ZNF69: variants seen among roughly 807,000 people sequenced by gnomAD.
ZNF69 encodes the protein ZNF3.
A neutral mutation model predicts 50.9 loss-of-function variants in ZNF69; 47 were observed. That is an observed-to-expected ratio of 0.92 (90% CI 0.73 to 1.18). ZNF69 has a LOEUF of 1.18. Ranked by LOEUF, ZNF69 falls within the 50% of genes most tolerant of loss-of-function variation. The probability of loss-of-function intolerance (pLI) is 0.00; values close to 1 mark genes in which losing one functional copy is unlikely to be tolerated. For missense variants in ZNF69, 717 were observed against 675.1 expected, an observed-to-expected ratio of 1.06 and a Z score of -0.69; for synonymous variants, 216 against 223.1, an observed-to-expected ratio of 0.97 and a Z score of 0.29.
downstream of ZNF69, among the ~76,000 whole-genome samples, chr19:11,907,104 G>A (rs1353910036): frequency 6.6e-6 from 1 of 152,152 alleles, no homozygotes; most frequent in Non-Finnish European, 1.5e-5. Context: ...TGGATGAAAT[G>A]AAGTGAGAAG....
At chr19:11,948,338 C>G in the ZNF69 span, 1 of 1,613,852 alleles carries the variant, frequency 6.2e-7, no homozygotes, top group South Asian at 1.1e-5. Flanking sequence ...GAAACTTTTA[C>G]CCAGGTTCCA....
Position 11,905,782 on chromosome 19 carries a change from A to G in ZNF69, c.1385A>G (p.His462Arg). The G allele has an allele frequency of 6.2e-7, 1 of 1,613,606 alleles. No homozygotes were observed. The highest frequency in any genetic ancestry group is 8.5e-7 in the Non-Finnish European group (1 of 1,179,952). Residue 462 changes from histidine to arginine, a missense_variant, in exon 4 of 4, where the codon CAT becomes CGT. Coordinates refer to ENST00000429654, the MANE Select transcript of ZNF69 (RefSeq NM_001364730.1). ...AFRSMKNLQSHERTQTHVRIH... is the reference protein window; with the variant it reads ...AFRSMKNLQSRERTQTHVRIH... ...AGATCTATGAAGAACCTTCAAAGTC[A>G]TGAAAGGACACAAACACACGTAAGA...
the ZNF69 span, among the ~76,000 whole-genome samples, chr19:11,924,915 C>T: frequency 6.6e-6 from 1 of 152,196 alleles, no homozygotes; most frequent in Non-Finnish European, 1.5e-5. Context: ...TATCCAATAA[C>T]CAGAGTGCAG....
chr19:11,949,609 ACT>A, the ZNF69 span: 1 of 1,613,238 alleles, frequency 6.2e-7, no homozygotes, highest in Non-Finnish European at 8.5e-7. Flanking sequence ...ACATGAAAAA[ACT>A]CACACTGGAG....
the ZNF69 span, among the ~76,000 whole-genome samples, chr19:11,964,298 C>G: frequency 6.6e-6 from 1 of 152,200 alleles, no homozygotes; most frequent in African/African-American, 2.4e-5. Context: ...GGTGTTGTAC[C>G]TCTGGAGCCT....
chr19:11,926,967 G>C, the ZNF69 span, among the ~76,000 whole-genome samples: 5 of 152,260 alleles, frequency 3.3e-5, no homozygotes, highest in African/African-American at 1.2e-4. Flanking sequence ...ACCAGGAAAA[G>C]AGGTCCTGAT....
the ZNF69 span, chr19:11,949,664 G>A: frequency 7.5e-6 from 12 of 1,610,136 alleles, no homozygotes; most frequent in Non-Finnish European, 1.0e-5. Flanking sequence ...GCCTTCAGAT[G>A]TTGCAATTCC....
chr19:11,974,069 TTTTCTTTCTTTC>T, the ZNF69 span, among the ~76,000 whole-genome samples: 3,197 of 114,696 alleles, frequency 0.028, 93 homozygotes, highest in East Asian at 0.075. Flanking sequence ...TCCTTCTTTC[TTTTCTTTCTTTC>T]TTTCTTTCTT....
chr19:11,933,684 G>A, the ZNF69 span, among the ~76,000 whole-genome samples: 3 of 147,578 alleles, frequency 2.0e-5, no homozygotes, highest in African/African-American at 5.3e-5. Flanking sequence ...AAGGTCTCTC[G>A]ATACCTTTGT....
intron 1 of ZNF69, among the ~76,000 whole-genome samples, chr19:11,889,408 G>C (rs1016740963): frequency 2.0e-5 from 3 of 152,162 alleles, no homozygotes; most frequent in African/African-American, 7.2e-5. Context: ...AATTTTCAGG[G>C]TTTTTTGGGG....
At chr19:11,949,593 T>A in the ZNF69 span, 5 of 1,613,226 alleles carry the variant, frequency 3.1e-6, no homozygotes, top group Non-Finnish European at 4.2e-6. Context: ...CCAAGTCATT[T>A]CAAACACATG....
chr19:11,952,609 C>G, the ZNF69 span, among the ~76,000 whole-genome samples: 1 of 152,208 alleles, frequency 6.6e-6, no homozygotes, highest in Admixed American at 6.5e-5. Context: ...AAAACACTGT[C>G]AAAATCCAGG....
chr19:11,945,777 G>A, the ZNF69 span, among the ~76,000 whole-genome samples: 2 of 152,050 alleles, frequency 1.3e-5, no homozygotes, highest in Non-Finnish European at 2.9e-5. Flanking sequence ...CTGTAAAAGA[G>A]CTGTGCTCTG....
the ZNF69 span, chr19:11,978,974 G>T: frequency 6.2e-7 from 1 of 1,614,118 alleles, no homozygotes; most frequent in Non-Finnish European, 8.5e-7. Context: ...AAGCATTCAC[G>T]TATCCCAGTT....
intron 4 of ZNF69, chr19:11,913,388 C>T: frequency 2.7e-5 from 16 of 582,572 alleles, no homozygotes; most frequent in Non-Finnish European, 4.3e-5. Flanking sequence ...CCTAATTTTT[C>T]TTATCTTTTT....
the ZNF69 span, among the ~76,000 whole-genome samples, chr19:11,925,893 G>C: frequency 6.6e-6 from 1 of 152,196 alleles, no homozygotes; most frequent in Non-Finnish European, 1.5e-5. Context: ...AGACAGTTTG[G>C]TTTTATTCAT....
At chr19:11,924,431 C>CAAAAA in the ZNF69 span, among the ~76,000 whole-genome samples, 8 of 65,124 alleles carry the variant, frequency 1.2e-4, no homozygotes, top group African/African-American at 2.3e-4. Flanking sequence ...GACTCCGTCT[C>CAAAAA]AAAAAAAAAA....
At chr19:11,896,830 T>TAA (rs1191872107) in intron 1 of ZNF69, among the ~76,000 whole-genome samples, 1 of 152,158 alleles carries the variant, frequency 6.6e-6, no homozygotes, top group African/African-American at 2.4e-5. Flanking sequence ...TTCTTAATTT[T>TAA]AGTGAAAAAA....
At chr19:11,894,782 T>A (rs1415578369) in intron 1 of ZNF69, among the ~76,000 whole-genome samples, 1 of 152,112 alleles carries the variant, frequency 6.6e-6, no homozygotes, top group Non-Finnish European at 1.5e-5. Flanking sequence ...TTTCGTAAGT[T>A]GGAGACACAT....
Sources: gnomAD v4.1 joint callset for allele counts (sites outside exome capture counted in the v4.1 genomes callset) on GRCh38, gnomAD v4.1.1 for gene constraint, MANE v1.5 for transcripts, NCBI Gene and HGNC (gene_info 2026-07-23, HGNC 2026-07-21) for gene names.